The following PGM2 variants were observed in gnomAD, a reference collection of about 807,000 sequenced individuals.
PGM2 encodes phosphoglucomutase 2.
In PGM2, 57 loss-of-function variants were observed where a neutral mutation model predicts 74.6. That is an observed-to-expected ratio of 0.76 (90% CI 0.62 to 0.95). PGM2 has a LOEUF of 0.95. Among genes scored for constraint, PGM2 ranks in the 40% least tolerant of loss-of-function variants. The probability of loss-of-function intolerance (pLI) is 0.00; values close to 1 mark genes in which losing one functional copy is unlikely to be tolerated. For missense variants in PGM2, 706 were observed against 741.9 expected (o/e 0.95, Z 0.56); for synonymous variants, 273 against 260.7 (o/e 1.05, Z -0.46).
chr4:37,844,644 T>C, intron 7 of PGM2, 91 bp downstream of exon 7: 1 of 850,544 alleles, frequency 1.2e-6, no homozygotes, highest in Non-Finnish European at 1.9e-6. Flanking sequence ...GTTTTCATTG[T>C]GCTGAAGAAA....
chr4:37,850,943 A>T (rs4832959), intron 12 of PGM2, among the ~76,000 whole-genome samples: 66,677 of 143,160 alleles, frequency 0.47, 16,973 homozygotes, highest in Non-Finnish European at 0.59. Flanking sequence ...GTGAGCTGAG[A>T]TTGCACCACT....
In PGM2 at chr4:37,840,226, A is replaced by T; in HGVS notation, c.686A>T (p.Tyr229Phe). Reference sequence around the variant, plus strand: ...CCGAGTGCTTCCATCAATAATGACTACTTTGAAGACCTTAAAAAGTACTGT... The same window carrying T: ...CCGAGTGCTTCCATCAATAATGACTTCTTTGAAGACCTTAAAAAGTACTGT... The part of the protein sequence containing the change: ...HNPSASINND[Y>F]FEDLKKYCFH... The change falls in exon 6 of 14, where the codon TAC becomes TTC. Residue 229 changes from tyrosine to phenylalanine, a missense_variant. This residue lies in a region of PGM2 where 332 missense variants were observed against 334.9 expected (regional missense o/e 0.99). Coordinates refer to ENST00000381967, the MANE Select transcript of PGM2 (RefSeq NM_018290.4). 2 of 1,611,388 alleles carry T rather than the reference A, an allele frequency of 1.2e-6. No homozygotes were observed. Among genetic ancestry groups the T allele is most frequent in the South Asian group, 2.2e-5 (2 of 91,038 alleles).
Position 37,841,100 on chromosome 4 carries a change from A to ATATATATATATATG in PGM2, c.719+842_719+843insATATATATATATGT, listed in dbSNP as rs1202149456. 5.9e-3 allele frequency among the ~76,000 whole-genome samples: 686 copies of ATATATATATATATG among 115,486 alleles called. 7 individuals carry two copies. The highest frequency in any genetic ancestry group is 0.054 in the East Asian group (176 of 3,254). 75.8% of individuals were successfully genotyped at this position (115,486 alleles called of 152,430 possible). On this transcript the variant is annotated intron_variant, in intron 6 of 13. Coordinates refer to ENST00000381967, the MANE Select transcript of PGM2 (RefSeq NM_018290.4). ...TATATATATATATATATATATATAT[A>ATATATATATATATG]TGTGTGTGTGTGTGTTTGTATATGT...
At position 37,862,163 on chromosome 4, in the gene PGM2, A is replaced by T; in HGVS notation, c.*551A>T. The T allele has an allele frequency of 6.6e-6, 1 of 152,394 alleles. No individual in the cohort carries two copies. The highest frequency in any genetic ancestry group is 1.9e-4 in the East Asian group (1 of 5,204). 9.4% of individuals were successfully genotyped at this position (152,394 alleles called of 1,614,324 possible). On this transcript the variant is annotated 3_prime_UTR_variant, in exon 14 of 14. Coordinates refer to ENST00000381967, the MANE Select transcript of PGM2 (RefSeq NM_018290.4). Reference sequence around the variant, plus strand: ...AGTAGAGCAAAGATGCTTTAAAAAGATAAGTTTTTTTGAACTAAATTTTTT... The same window carrying T: ...AGTAGAGCAAAGATGCTTTAAAAAGTTAAGTTTTTTTGAACTAAATTTTTT...
chr4:37,836,182 C>T (rs1399014861), intron 3 of PGM2, among the ~76,000 whole-genome samples: 1 of 151,944 alleles, frequency 6.6e-6, no homozygotes, highest in Admixed American at 6.5e-5. Flanking sequence ...ATTTTTTTGC[C>T]CTGGCCTTGG....
chr4:37,842,506 C>G (rs1725757286), intron 6 of PGM2, among the ~76,000 whole-genome samples: 2 of 148,670 alleles, frequency 1.3e-5, no homozygotes, highest in Admixed American at 1.3e-4. Context: ...AGATTTTTTT[C>G]TAAAAGGTTT....
At chr4:37,833,067 G>T (rs963109905) in intron 2 of PGM2, among the ~76,000 whole-genome samples, 1 of 152,108 alleles carries the variant, frequency 6.6e-6, no homozygotes, top group African/African-American at 2.4e-5. Flanking sequence ...TGTCACTGTT[G>T]TAAGTCTTGA....
intron 6 of PGM2, among the ~76,000 whole-genome samples, chr4:37,843,912 C>A (rs1725796478): frequency 6.6e-6 from 1 of 152,202 alleles, no homozygotes; most frequent in Admixed American, 6.5e-5. Flanking sequence ...ATGGGATAAC[C>A]CAACACATTT....
At chr4:37,838,467 A>T (rs1302531405) in intron 4 of PGM2, among the ~76,000 whole-genome samples, 1 of 152,226 alleles carries the variant, frequency 6.6e-6, no homozygotes, top group East Asian at 1.9e-4. Flanking sequence ...TTTGACATAG[A>T]CAAAACTTTT....
At chr4:37,842,225 A>G (rs1457759396) in intron 6 of PGM2, among the ~76,000 whole-genome samples, 2 of 149,236 alleles carry the variant, frequency 1.3e-5, no homozygotes, top group African/African-American at 4.9e-5. Flanking sequence ...TATTTTTTAG[A>G]TGTTTTCTGT....
intron 13 of PGM2, among the ~76,000 whole-genome samples, chr4:37,858,666 C>T (rs1022165658): frequency 2.0e-5 from 3 of 151,998 alleles, no homozygotes; most frequent in African/African-American, 7.2e-5. Context: ...AATGTCTTCA[C>T]TAAGATTTCC....
chr4:37,852,837 A>G (rs1488619545), intron 12 of PGM2, among the ~76,000 whole-genome samples: 2 of 152,128 alleles, frequency 1.3e-5, no homozygotes, highest in African/African-American at 2.4e-5. Context: ...GTGATATGCT[A>G]TAGTATGGGT....
chr4:37,854,504 C>T (rs752792968), intron 12 of PGM2, among the ~76,000 whole-genome samples: 1 of 152,094 alleles, frequency 6.6e-6, no homozygotes, highest in Non-Finnish European at 1.5e-5. Flanking sequence ...GCACCCGCCA[C>T]CATGCCTGGC....
intron 13 of PGM2, among the ~76,000 whole-genome samples, chr4:37,861,218 G>A (rs1243881100): frequency 2.0e-5 from 3 of 152,136 alleles, no homozygotes; most frequent in African/African-American, 7.2e-5. Flanking sequence ...GGGATGCTAG[G>A]CCAAAAATTG....
chr4:37,850,765 T>A lies in PGM2; in HGVS notation c.1602+392T>A, dbSNP rs190243842. ...CAGCACTTTGGGAGGCCGAGGCAGG[T>A]GGATCACTTGAGGTCAGGAGTTCAA... is the stretch of plus-strand genomic sequence containing the variant. On this transcript the variant is annotated intron_variant, in intron 12 of 13. Coordinates refer to ENST00000381967, the MANE Select transcript of PGM2 (RefSeq NM_018290.4). Among the ~76,000 whole-genome samples the A allele has an allele frequency of 8.3e-4, 126 of 151,828 alleles. 2 individuals are homozygous for A. The highest frequency in any genetic ancestry group is 8.0e-3 in the Admixed American group (122 of 15,252).
chr4:37,844,317 G>T (rs1340007409), intron 6 of PGM2, 47 bp from the exon 7 acceptor site: 2 of 1,263,500 alleles, frequency 1.6e-6, no homozygotes, highest in African/African-American at 1.5e-5. Context: ...AGTTTTGAGA[G>T]CCCTGTTTCT....
In PGM2 at chr4:37,850,358, A is replaced by G. The variant is rs137985887; in HGVS notation, c.1587A>G (p.Gln529=). The part of the protein sequence containing the change: ...RDLTTGYDDS[Q]PDKKAVLPTS... ...TTACAACTGGCTATGATGATAGCCA[A>G]CCTGATAAAAAAGCTGTAAGTAATG... Residue 529 remains glutamine (Q), a synonymous_variant, in exon 12 of 14, where the codon CAA becomes CAG. Transcript: ENST00000381967. 5 of 1,532,766 alleles carry G rather than the reference A, an allele frequency of 3.3e-6. No homozygotes were observed. The East Asian group carries it at 7.1e-5, about 22-fold the overall frequency. 94.9% of individuals were successfully genotyped at this position (1,532,766 alleles called of 1,614,324 possible). A position where few individuals can be genotyped will look rare whatever the true frequency, so the allele number is the denominator to read the frequency against.
At chr4:37,833,247 C>T (rs1725480949) in intron 2 of PGM2, among the ~76,000 whole-genome samples, 1 of 152,194 alleles carries the variant, frequency 6.6e-6, no homozygotes, top group African/African-American at 2.4e-5. Flanking sequence ...TGTGATGTAT[C>T]CCCTCCTACC....
chr4:37,849,826 G>A (rs945131319), intron 11 of PGM2, among the ~76,000 whole-genome samples: 7 of 151,584 alleles, frequency 4.6e-5, no homozygotes, highest in Non-Finnish European at 1.0e-4. Context: ...GTCTCTCGTT[G>A]CCCAGGCTAG....
Sources: allele counts gnomAD v4.1 joint callset (sites outside exome capture counted in the v4.1 genomes callset), GRCh38; gene constraint gnomAD v4.1.1; regional missense constraint gnomAD v4.1.1; transcripts MANE v1.5; gene names NCBI Gene and HGNC (gene_info 2026-07-23, HGNC 2026-07-21).